Variants in AGT observed in about 807,000 individuals in gnomAD.
The protein encoded by AGT is alpha-1 antiproteinase, antitrypsin.
Under a neutral mutation model 28.1 loss-of-function variants are expected in AGT, and 26 were observed. The ratio of observed to expected loss-of-function variants is 0.92; its 90% CI spans 0.68 to 1.28. AGT has a LOEUF of 1.28. AGT is among the 50% of genes most tolerant of loss of function. AGT has a pLI of 0.00. For missense variants in AGT, 596 were observed against 592.3 expected (o/e 1.01, Z -0.06); for synonymous variants, 259 against 259.6 (o/e 1.00, Z 0.02).
chr1:230,710,279 A>G lies in AGT; in HGVS notation c.545T>C (p.Leu182Pro), dbSNP rs960083960. ...LSALQAVQGL[L>P]VAQGRADSQA... is the part of the protein sequence containing the mutation. Reference sequence around the variant, plus strand: ...GCTATCAGCCCTGCCCTGGGCCACTAGCAGGCCCTGTACAGCCTGCAGGGC... The same window carrying G: ...GCTATCAGCCCTGCCCTGGGCCACTGGCAGGCCCTGTACAGCCTGCAGGGC... The change falls in exon 2 of 5, where the codon CTA (leucine) becomes CCA (proline). Residue 182 changes from leucine (L) to proline (P), a missense_variant. Physicochemically the swap from Leu to Pro is moderately conservative, Grantham distance 98. Transcript: ENST00000366667. 3.7e-6 allele frequency: 6 copies of G among 1,613,892 alleles called. No individual in the cohort carries two copies. Among genetic ancestry groups the G allele is most frequent in the Admixed American group, 1.7e-5 (1 of 60,030 alleles).
At chr1:230,738,657 G>A (rs1301391479) in intron 1 of AGT, among the ~76,000 whole-genome samples, 2 of 152,136 alleles carry the variant, frequency 1.3e-5, no homozygotes, top group Non-Finnish European at 1.5e-5. Flanking sequence ...CTTGCCAAAG[G>A]GGGAGGATAC....
intron 1 of AGT, among the ~76,000 whole-genome samples, chr1:230,733,540 C>T (rs1037464964): frequency 1.3e-5 from 2 of 152,162 alleles, no homozygotes; most frequent in African/African-American, 4.8e-5. Flanking sequence ...TTGCCTTTGT[C>T]TACACCCTGA....
At chr1:230,732,971 A>G (rs1664093888) in intron 1 of AGT, among the ~76,000 whole-genome samples, 1 of 152,018 alleles carries the variant, frequency 6.6e-6, no homozygotes, top group African/African-American at 2.4e-5. Flanking sequence ...GGACAAGCTT[A>G]AATAACTGAT....
upstream of AGT, among the ~76,000 whole-genome samples, chr1:230,717,552 C>A (rs1229724477): frequency 2.6e-5 from 4 of 152,160 alleles, no homozygotes; most frequent in Admixed American, 6.5e-5. Flanking sequence ...CTAATTGTTT[C>A]ACAGGAGCCT....
At chr1:230,729,504 C>G (rs1007400916) in intron 1 of AGT, among the ~76,000 whole-genome samples, 1 of 152,024 alleles carries the variant, frequency 6.6e-6, no homozygotes, top group African/African-American at 2.4e-5. Flanking sequence ...GCTTGATTAC[C>G]CAGGCATGTG....
intron 1 of AGT, among the ~76,000 whole-genome samples, chr1:230,721,131 G>A (rs1423628320): frequency 6.6e-6 from 1 of 152,214 alleles, no homozygotes; most frequent in African/African-American, 2.4e-5. Flanking sequence ...AACCATTAGT[G>A]GTCAAGTAAG....
chr1:230,741,654 G>T (rs1317764), intron 1 of AGT, among the ~76,000 whole-genome samples: 98,852 of 152,072 alleles, frequency 0.65, 34,232 homozygotes, highest in East Asian at 0.9. Context: ...ATGAAGAAAG[G>T]GAGACCCTCA....
chr1:230,732,444 G>A (rs1426134200), intron 1 of AGT, among the ~76,000 whole-genome samples: 3 of 152,128 alleles, frequency 2.0e-5, no homozygotes, highest in Non-Finnish European at 4.4e-5. Context: ...AGCTTTCTTG[G>A]TGAACTACAG....
chr1:230,710,333 G>A lies in AGT; in HGVS notation c.491C>T (p.Ser164Phe). The A allele has an allele frequency of 6.2e-7, 1 of 1,614,126 alleles. No individual in the cohort carries two copies. Among genetic ancestry groups the A allele is most frequent in the Non-Finnish European group, 8.5e-7 (1 of 1,180,038 alleles). ...CAGGACCTTGTGCGCATCCAGCCGGGAGGTGCAGTTCTTGTCCTTCCAAGG... is the reference window on the plus strand; with the variant it reads ...CAGGACCTTGTGCGCATCCAGCCGGAAGGTGCAGTTCTTGTCCTTCCAAGG... Reference protein sequence around the residue: ...GVPWKDKNCTSRLDAHKVLSA... With the variant: ...GVPWKDKNCTFRLDAHKVLSA... The change falls in exon 2 of 5, where the codon TCC becomes TTC. Residue 164 changes from serine to phenylalanine, a missense_variant. Coordinates refer to ENST00000366667, the MANE Select transcript of AGT (RefSeq NM_001384479.1).
Position 230,706,015 on chromosome 1 carries a change from G to A in AGT, c.1015C>T (p.His339Tyr), listed in dbSNP as rs777162288. ...ACCTTGTCCAGGTCAGAGGCATAGT[G>A]AGGCTGGATCAGCAGCAGGCAGGCG... Reference protein sequence around the residue: ...ESACLLLIQPHYASDLDKVEG... With the variant: ...ESACLLLIQPYYASDLDKVEG... The change falls in exon 3 of 5, where the codon CAC becomes TAC. Residue 339 changes from histidine (H) to tyrosine (Y), a missense_variant. His to Tyr is a moderately conservative substitution (Grantham distance 83, BLOSUM62 2). Transcript: ENST00000366667. 2.5e-6 allele frequency: 4 copies of A among 1,614,084 alleles called. No homozygotes were observed. The highest frequency in any genetic ancestry group is 2.7e-5 in the African/African-American group (2 of 74,934).
chr1:230,731,974 C>T (rs909322984), intron 1 of AGT, among the ~76,000 whole-genome samples: 1 of 152,070 alleles, frequency 6.6e-6, no homozygotes, highest in Non-Finnish European at 1.5e-5. Flanking sequence ...TGCAGCGGCT[C>T]CTCATCACTC....
At chr1:230,722,191 C>T (rs1350929847) in intron 1 of AGT, among the ~76,000 whole-genome samples, 6 of 152,228 alleles carry the variant, frequency 3.9e-5, no homozygotes, top group African/African-American at 1.4e-4. Flanking sequence ...GGGTGCAAGC[C>T]CCAAGCCTTG....
chr1:230,726,026 G>A (rs977088682), intron 1 of AGT, among the ~76,000 whole-genome samples: 1 of 152,178 alleles, frequency 6.6e-6, no homozygotes, highest in Non-Finnish European at 1.5e-5. Flanking sequence ...CACAATGTCT[G>A]GGGCTGGTAT....
At position 230,704,313 on chromosome 1, in the gene AGT, T is replaced by C. The variant is rs1202768002; in HGVS notation, c.1122A>G (p.Gln374=). Residue 374 remains glutamine (Q), a synonymous_variant, in exon 4 of 5, where the codon CAA becomes CAG. Transcript: ENST00000366667. The part of the protein sequence containing the change: ...SPRTIHLTMP[Q]LVLQGSYDLQ... ...GGTCATAAGATCCTTGCAGCACCAG[T>C]TGGGGCATGGTCAGGTGGATGGTCC... 9 of 1,614,170 alleles carry C rather than the reference T, an allele frequency of 5.6e-6. No individual in the cohort carries two copies. In the South Asian group the frequency reaches 6.6e-5, roughly 12 times the overall value.
chr1:230,734,936 G>T (rs1004931209), intron 1 of AGT, among the ~76,000 whole-genome samples: 14 of 151,866 alleles, frequency 9.2e-5, no homozygotes, highest in Admixed American at 5.9e-4. Flanking sequence ...GGATGGTCTC[G>T]ATCTCCTGAC....
intron 1 of AGT, among the ~76,000 whole-genome samples, chr1:230,712,591 G>A (rs1247730024): frequency 2.0e-5 from 3 of 152,200 alleles, no homozygotes; most frequent in African/African-American, 4.8e-5. Context: ...TGTGGGAACC[G>A]ACTGCTGGGA....
intron 2 of AGT, among the ~76,000 whole-genome samples, chr1:230,709,399 A>G (rs2102789831): frequency 6.6e-6 from 1 of 151,416 alleles, no homozygotes; most frequent in Non-Finnish European, 1.5e-5. Flanking sequence ...GCACCACTAC[A>G]CTGCAGCCTG....
chr1:230,710,875 G>A, intron 1 of AGT, 22 bp from the exon 2 acceptor site: 1 of 1,607,342 alleles, frequency 6.2e-7, no homozygotes, highest in Non-Finnish European at 8.5e-7. Context: ...TTTTGCAAAG[G>A]GTGAAAGGTG....
chr1:230,706,899 A>G (rs921037167), intron 2 of AGT, among the ~76,000 whole-genome samples: 6 of 152,090 alleles, frequency 3.9e-5, no homozygotes, highest in Non-Finnish European at 8.8e-5. Flanking sequence ...TCACTTTTTA[A>G]TCCATGTCTA....
Sources: gnomAD v4.1 joint callset for allele counts (sites outside exome capture counted in the v4.1 genomes callset) on GRCh38, gnomAD v4.1.1 for gene constraint, MANE v1.5 for transcripts, NCBI Gene and HGNC (gene_info 2026-07-23, HGNC 2026-07-21) for gene names.